Variants in RBFOX3 observed in about 807,000 individuals in gnomAD.
RBFOX3 encodes the protein RNA binding fox-1 homolog 3.
RBFOX3 carries 17 observed loss-of-function variants against 48.7 expected under a neutral mutation model. That is an observed-to-expected ratio of 0.35 (90% CI 0.24 to 0.52). RBFOX3 has a LOEUF of 0.52. Among genes scored for constraint, RBFOX3 ranks in the 20% least tolerant of loss-of-function variants. The probability of loss-of-function intolerance (pLI) is 0.94; values close to 1 mark genes in which losing one functional copy is unlikely to be tolerated. For synonymous variants in RBFOX3, 212 were observed against 209.5 expected, an observed-to-expected ratio of 1.01 and a Z score of -0.10; for missense variants, 382 against 497.5, an observed-to-expected ratio of 0.77 and a Z score of 2.21.
chr17:79,290,271 G>A (rs1319039138), intron 3 of RBFOX3, among the ~76,000 whole-genome samples: 1 of 152,102 alleles, frequency 6.6e-6, no homozygotes, highest in African/African-American at 2.4e-5. Flanking sequence ...AGGGAAGGAA[G>A]GAATGAGAGG....
Position 79,479,886 on chromosome 17 carries a change from C to A in RBFOX3, c.-175+2568G>T, listed in dbSNP as rs34183820. On this transcript the variant is annotated intron_variant, in intron 2 of 14. Transcript: ENST00000693108. The surrounding 1 kb of genome is among the most constrained non-coding windows in gnomAD (Gnocchi z 5.1). ...GCCCTCCCCTAGGGACAGAGCTGCA[C>A]GCATCTTCTTGGAACTAGGCGTCTG... is the stretch of plus-strand genomic sequence containing the variant. 2.6e-5 allele frequency among the ~76,000 whole-genome samples: 4 copies of A among 152,096 alleles called. No homozygotes were observed. Among genetic ancestry groups the A allele is most frequent in the African/African-American group, 9.7e-5 (4 of 41,380 alleles).
At chr17:79,454,893 TG>T (rs1395706666) in intron 2 of RBFOX3, among the ~76,000 whole-genome samples, 1 of 152,166 alleles carries the variant, frequency 6.6e-6, no homozygotes, top group African/African-American at 2.4e-5. Context: ...GCCTGGGGTT[TG>T]GGGGCCCTGC....
At chr17:79,652,186 C>T in the RBFOX3 span, among the ~76,000 whole-genome samples, 1 of 152,032 alleles carries the variant, frequency 6.6e-6, no homozygotes, top group African/African-American at 2.4e-5. Flanking sequence ...ATAACTAGTA[C>T]AAGTGTATGC....
chr17:79,156,748 T>C (rs1438471455), intron 4 of RBFOX3, among the ~76,000 whole-genome samples: 1 of 152,208 alleles, frequency 6.6e-6, no homozygotes, highest in Non-Finnish European at 1.5e-5. Context: ...AGGTGCTGTC[T>C]GGCCTCGTAC....
chr17:79,426,571 G>A (rs1465682426), intron 2 of RBFOX3, among the ~76,000 whole-genome samples: 1 of 152,130 alleles, frequency 6.6e-6, no homozygotes, highest in Non-Finnish European at 1.5e-5. Context: ...GTGAACTGAT[G>A]AAGCCTCGGT....
At chr17:79,472,956 T>C (rs2077233306) in intron 2 of RBFOX3, among the ~76,000 whole-genome samples, 1 of 152,204 alleles carries the variant, frequency 6.6e-6, no homozygotes. Flanking sequence ...GCCCAGCTGA[T>C]CTCAAACACC....
Position 79,204,519 on chromosome 17 carries a change from C to T in RBFOX3, c.-34+31247G>A, listed in dbSNP as rs1008586611. ...CAGCATTCAGTCAACGAGGTCGACG[C>T]GCTGGAACTACTTTGGTGGAGTATT... is the stretch of plus-strand genomic sequence containing the variant. On this transcript the variant is annotated intron_variant, in intron 4 of 14. Coordinates refer to ENST00000693108, the MANE Select transcript of RBFOX3 (RefSeq NM_001350451.2). This position sits in a 1 kb window ranked among gnomAD's most constrained non-coding sequence, Gnocchi z 4.5. Among the ~76,000 whole-genome samples the T allele has an allele frequency of 1.2e-4, 19 of 152,278 alleles. No homozygotes were observed. Among genetic ancestry groups the T allele is most frequent in the Admixed American group, 1.0e-3 (16 of 15,300 alleles).
At chr17:79,137,375 A>C (rs185244799) in intron 4 of RBFOX3, among the ~76,000 whole-genome samples, 2,062 of 152,266 alleles carry the variant, frequency 0.014, 47 homozygotes, top group African/African-American at 0.047. Context: ...TCCAACCCCC[A>C]GGCCATTGTG....
intron 4 of RBFOX3, among the ~76,000 whole-genome samples, chr17:79,122,266 C>T (rs1406617930): frequency 1.3e-5 from 2 of 152,186 alleles, no homozygotes; most frequent in African/African-American, 4.8e-5. Context: ...TCCTCCCTGG[C>T]TCCTACACTC....
chr17:79,134,457 C>T (rs1275578797), intron 4 of RBFOX3, among the ~76,000 whole-genome samples: 6 of 152,310 alleles, frequency 3.9e-5, no homozygotes, highest in South Asian at 2.1e-4. Context: ...CACGCCTGGT[C>T]GGTCACATGT....
chr17:79,540,765 G>A (rs2089578497), intron 1 of RBFOX3, among the ~76,000 whole-genome samples: 1 of 152,254 alleles, frequency 6.6e-6, no homozygotes, highest in Non-Finnish European at 1.5e-5. Context: ...ATCTGTAAAA[G>A]TGGAGGTCGA....
At chr17:79,098,100 C>G (rs72853371) in intron 9 of RBFOX3, 2,930 of 270,268 alleles carry the variant, frequency 0.011, 33 homozygotes, top group African/African-American at 0.034. Flanking sequence ...TATCTACCCC[C>G]CTGAGCACAG....
Position 79,510,245 on chromosome 17 carries a change from C to T in RBFOX3, c.-319-27647G>A, listed in dbSNP as rs1263891762. Reference sequence around the variant, plus strand: ...CCATCGGCAACAAGTTCCATCCTCCCGGCCAGGCCCCGGGACTCTCGGCTC... The same window carrying T: ...CCATCGGCAACAAGTTCCATCCTCCTGGCCAGGCCCCGGGACTCTCGGCTC... On this transcript the variant is annotated intron_variant, in intron 1 of 14. Coordinates refer to ENST00000693108, the MANE Select transcript of RBFOX3 (RefSeq NM_001350451.2). Among the ~76,000 whole-genome samples, 15 of 152,266 alleles carry T rather than the reference C, an allele frequency of 9.9e-5. No homozygotes were observed. The East Asian group carries it at 1.2e-3, about 12-fold the overall frequency.
chr17:79,461,776 T>C (rs916315437), intron 2 of RBFOX3, among the ~76,000 whole-genome samples: 1 of 152,170 alleles, frequency 6.6e-6, no homozygotes, highest in Non-Finnish European at 1.5e-5. Flanking sequence ...GGCATGTTTA[T>C]AAGAAAAAGA....
Position 79,101,578 on chromosome 17 carries a change from C to A in RBFOX3, c.568+6G>T. 1 of 1,550,836 alleles carries A rather than the reference C, an allele frequency of 6.4e-7. No individual in the cohort carries two copies. The highest frequency in any genetic ancestry group is 8.7e-7 in the Non-Finnish European group (1 of 1,146,638). ...AGCAGCCTTGTGGGGGGACCCAGCC[C>A]CTTACCGTTGGTGTAGGGGTTCCCC... On this transcript the variant is annotated splice_donor_region_variant and intron_variant, in intron 9 of 14. Coordinates refer to ENST00000693108, the MANE Select transcript of RBFOX3 (RefSeq NM_001350451.2).
rs1016218291 is a variant in RBFOX3, at chr17:79,390,749, A to G, written c.-174-82925T>C. 6.6e-6 allele frequency among the ~76,000 whole-genome samples: 1 copy of G among 152,258 alleles called. No individual in the cohort carries two copies. The highest frequency in any genetic ancestry group is 1.9e-4 in the East Asian group (1 of 5,178). Reference sequence around the variant, plus strand: ...GTCTCGGCCTCCCAACGCATGGCCCATTCAAAGTTTGCCAGAGGCGAGTTC... The same window carrying G: ...GTCTCGGCCTCCCAACGCATGGCCCGTTCAAAGTTTGCCAGAGGCGAGTTC... On this transcript the variant is annotated intron_variant, in intron 2 of 14. Coordinates refer to ENST00000693108, the MANE Select transcript of RBFOX3 (RefSeq NM_001350451.2). This position sits in a 1 kb window ranked among gnomAD's most constrained non-coding sequence, Gnocchi z 4.2.
intron 2 of RBFOX3, among the ~76,000 whole-genome samples, chr17:79,359,738 T>G (rs1326011809): frequency 6.6e-6 from 1 of 151,996 alleles, no homozygotes; most frequent in Non-Finnish European, 1.5e-5. Flanking sequence ...GGGTCATTTT[T>G]TTTTTTTGAG....
At chr17:79,321,722 T>TTTTTA (rs1555668620) in intron 2 of RBFOX3, among the ~76,000 whole-genome samples, 1 of 150,702 alleles carries the variant, frequency 6.6e-6, no homozygotes, top group African/African-American at 2.4e-5. Context: ...TTTTTTTTTT[T>TTTTTA]ATAGACGGAG....
chr17:79,372,203 G>A (rs1440446487), intron 2 of RBFOX3, among the ~76,000 whole-genome samples: 3 of 151,994 alleles, frequency 2.0e-5, no homozygotes, highest in Non-Finnish European at 2.9e-5. Flanking sequence ...CTGCCTGCCC[G>A]CAGGACTCTG....
Sources: allele counts gnomAD v4.1 joint callset (sites outside exome capture counted in the v4.1 genomes callset), GRCh38; gene constraint gnomAD v4.1.1; non-coding constraint Gnocchi (gnomAD v3.1); transcripts MANE v1.5; gene names NCBI Gene and HGNC (gene_info 2026-07-23, HGNC 2026-07-21).